The following ZYG11A variants were observed in gnomAD, a reference collection of about 807,000 sequenced individuals.
The protein encoded by ZYG11A is zyg-11 family member A, cell cycle regulator.
In ZYG11A, 62 loss-of-function variants were observed where a neutral mutation model predicts 77.2. The ratio of observed to expected loss-of-function variants is 0.80; its 90% CI spans 0.65 to 0.99. ZYG11A has a LOEUF of 0.99. ZYG11A is among the 50% of genes least tolerant of loss of function. ZYG11A has a pLI of 0.00. For missense variants in ZYG11A, 828 were observed against 896.8 expected (o/e 0.92, Z 0.98); for synonymous variants, 315 against 324.6 (o/e 0.97, Z 0.32).
chr1:52,860,454 C>T (rs1399284282), intron 3 of ZYG11A, among the ~76,000 whole-genome samples: 4 of 152,146 alleles, frequency 2.6e-5, no homozygotes, highest in Non-Finnish European at 2.9e-5. Flanking sequence ...CCTGCCACCA[C>T]GCCTGGCTAA....
rs567195044 is a variant in ZYG11A, at chr1:52,845,005, G to A, written c.90+2032G>A. 6.6e-5 allele frequency among the ~76,000 whole-genome samples: 10 copies of A among 151,902 alleles called. No homozygotes were observed. In the East Asian group the frequency reaches 7.7e-4, roughly 12 times the overall value. Reference sequence around the variant, plus strand: ...TTGTCCAGGCTGGTCTTTGAACTCCGGCTCAAGCAATCCTCTTGCCTTGGC... The same window carrying A: ...TTGTCCAGGCTGGTCTTTGAACTCCAGCTCAAGCAATCCTCTTGCCTTGGC... On this transcript the variant is annotated intron_variant, in intron 1 of 13. Coordinates refer to ENST00000371528, the MANE Select transcript of ZYG11A (RefSeq NM_001004339.3).
chr1:52,853,919 A>G (rs1645760775), intron 1 of ZYG11A, among the ~76,000 whole-genome samples: 1 of 152,152 alleles, frequency 6.6e-6, no homozygotes, highest in South Asian at 2.1e-4. Context: ...AAAGAAAAAA[A>G]GAACTTAATG....
rs1223758758 is a variant in ZYG11A, at chr1:52,867,759, G to A, written c.1524G>A (p.Glu508=). 16 of 1,551,372 alleles carry A rather than the reference G, an allele frequency of 1.0e-5. No individual in the cohort carries two copies. The highest frequency in any genetic ancestry group is 1.4e-5 in the Non-Finnish European group (16 of 1,146,942). ...LSPEQTAQLE[E]LFMAVKELLA... ...CTGAGCAAACGGCACAGCTTGAAGA[G>A]CTTTTCATGGCAGTTAAGGTAGGTT... Residue 508 remains glutamate (E), a synonymous_variant, in exon 8 of 14, where the codon GAG becomes GAA. Coordinates refer to ENST00000371528, the MANE Select transcript of ZYG11A (RefSeq NM_001004339.3).
At position 52,857,459 on chromosome 1, in the gene ZYG11A, T is replaced by G. The variant is rs1645835610; in HGVS notation, c.718T>G (p.Cys240Gly). ...LKSLTMHYLKCLAMTKSQILA... is the reference protein window; with the variant it reads ...LKSLTMHYLKGLAMTKSQILA... ...GTCTCTCACAATGCACTATCTGAAA[T>G]GCCTGGCCATGACCAAATCACAAAT... is the stretch of plus-strand genomic sequence containing the variant. Residue 240 changes from cysteine (C) to glycine (G), a missense_variant, in exon 3 of 14, where the codon TGC becomes GGC. Physicochemically the swap from Cys to Gly is radical, Grantham distance 159. Coordinates refer to ENST00000371528, the MANE Select transcript of ZYG11A (RefSeq NM_001004339.3). The G allele has an allele frequency of 6.4e-7, 1 of 1,552,134 alleles. No individual in the cohort carries two copies.
intron 4 of ZYG11A, among the ~76,000 whole-genome samples, chr1:52,862,676 C>G (rs1003568274): frequency 2.0e-5 from 3 of 152,124 alleles, no homozygotes; most frequent in African/African-American, 7.2e-5. Flanking sequence ...GCCTGGGTAA[C>G]AGAGCGAGAT....
intron 1 of ZYG11A, among the ~76,000 whole-genome samples, chr1:52,848,364 C>T (rs1434496564): frequency 6.6e-6 from 1 of 152,140 alleles, no homozygotes; most frequent in Non-Finnish European, 1.5e-5. Context: ...TGTCCACTCC[C>T]CCGTCATAAG....
intron 8 of ZYG11A, among the ~76,000 whole-genome samples, chr1:52,874,531 C>T (rs900343811): frequency 1.1e-4 from 16 of 152,060 alleles, no homozygotes; most frequent in Non-Finnish European, 4.4e-5. Flanking sequence ...TGATTATAGG[C>T]GTGAGCTACT....
chr1:52,878,077 A>T, intron 10 of ZYG11A, 108 bp downstream of exon 10: 1 of 899,270 alleles, frequency 1.1e-6, no homozygotes, highest in Non-Finnish European at 1.7e-6. Flanking sequence ...TACATGTATA[A>T]ACTCATTTAA....
At chr1:52,888,605 G>A (rs941784204) in intron 13 of ZYG11A, among the ~76,000 whole-genome samples, 15 of 152,102 alleles carry the variant, frequency 9.9e-5, no homozygotes, top group African/African-American at 2.9e-4. Context: ...TGATCTGCCC[G>A]CCTCAGCCTC....
chr1:52,881,609 G>C lies in ZYG11A; in HGVS notation c.1888G>C (p.Asp630His). ...AGGTATCATAGCCCACCTGACATCT[G>C]ACAGACAGCTTTGGATATCCCGTGA... is the stretch of plus-strand genomic sequence containing the variant. ...AAGIIAHLTS[D>H]RQLWISRDFQ... Residue 630 changes from aspartate to histidine, a missense_variant, in exon 11 of 14, where the codon GAC becomes CAC. Physicochemically the swap from Asp to His is moderately conservative, Grantham distance 81. Transcript: ENST00000371528. 7.7e-6 allele frequency: 12 copies of C among 1,552,332 alleles called. No individual in the cohort carries two copies. Among genetic ancestry groups the C allele is most frequent in the Non-Finnish European group, 7.8e-6 (9 of 1,147,116 alleles).
intron 8 of ZYG11A, among the ~76,000 whole-genome samples, chr1:52,875,623 AAAAG>A (rs1048610848): frequency 4.0e-5 from 6 of 150,606 alleles, no homozygotes; most frequent in Admixed American, 6.7e-5. Context: ...TTCTCAATGA[AAAAG>A]AAGATGAAAT....
At position 52,842,929 on chromosome 1, in the gene ZYG11A, C is replaced by T; in HGVS notation, c.46C>T (p.Pro16Ser). 2 of 1,529,614 alleles carry T rather than the reference C, an allele frequency of 1.3e-6. No homozygotes were observed. Among genetic ancestry groups the T allele is most frequent in the Non-Finnish European group, 1.8e-6 (2 of 1,137,874 alleles). The allele number at this position is 1,529,614 out of a possible 1,614,324, so 94.8% of individuals were successfully genotyped here. Reference protein sequence around the residue: ...HPGHTPRNIVPPDAQKDALGC... With the variant: ...HPGHTPRNIVSPDAQKDALGC... ...GGGCCACACGCCCCGGAACATCGTC[C>T]CTCCTGACGCTCAGAAGGATGCCCT... Residue 16 changes from proline (P) to serine (S), a missense_variant, in exon 1 of 14, where the codon CCT becomes TCT. Coordinates refer to ENST00000371528, the MANE Select transcript of ZYG11A (RefSeq NM_001004339.3).
intron 4 of ZYG11A, among the ~76,000 whole-genome samples, chr1:52,861,093 CTAAG>C (rs969536198): frequency 1.6e-4 from 25 of 152,062 alleles, no homozygotes; most frequent in Non-Finnish European, 4.4e-5. Context: ...AAAATTTGGT[CTAAG>C]TAAGGGAATA....
intron 5 of ZYG11A, 81 bp downstream of exon 5, chr1:52,864,238 T>G: frequency 1.5e-6 from 2 of 1,366,738 alleles, no homozygotes; most frequent in Non-Finnish European, 2.0e-6. Context: ...CAGAGTGCCG[T>G]GGCACAATTT....
chr1:52,874,547 C>T (rs1030165816), intron 8 of ZYG11A, among the ~76,000 whole-genome samples: 29 of 152,084 alleles, frequency 1.9e-4, no homozygotes, highest in Non-Finnish European at 1.2e-4. Flanking sequence ...CTACTGTGCC[C>T]AGCCATAAAA....
At chr1:52,887,880 G>T (rs1008392599) in intron 13 of ZYG11A, among the ~76,000 whole-genome samples, 2 of 152,068 alleles carry the variant, frequency 1.3e-5, no homozygotes, top group Non-Finnish European at 2.9e-5. Flanking sequence ...AGAATTTTCC[G>T]TTGATATCCT....
chr1:52,859,906 G>T (rs970468264), intron 3 of ZYG11A, among the ~76,000 whole-genome samples: 5 of 151,982 alleles, frequency 3.3e-5, no homozygotes, highest in Admixed American at 3.3e-4. Context: ...TTGAACTCCT[G>T]ACCTCAGGTG....
intron 1 of ZYG11A, among the ~76,000 whole-genome samples, chr1:52,843,503 C>A (rs1223959543): frequency 6.6e-6 from 1 of 152,212 alleles, no homozygotes; most frequent in African/African-American, 2.4e-5. Flanking sequence ...GTAGCTTAGT[C>A]CGGCTGGGGG....
intron 2 of ZYG11A, among the ~76,000 whole-genome samples, chr1:52,856,455 CAAAAAAAA>C (rs57138221): frequency 1.9e-5 from 2 of 104,100 alleles, no homozygotes; most frequent in African/African-American, 3.6e-5. Flanking sequence ...GACTCCATCT[CAAAAAAAA>C]AAAAAAAAAA....
Sources: allele counts gnomAD v4.1 joint callset (sites outside exome capture counted in the v4.1 genomes callset), GRCh38; gene constraint gnomAD v4.1.1; transcripts MANE v1.5; gene names NCBI Gene and HGNC (gene_info 2026-07-23, HGNC 2026-07-21).